The following KCNQ1 variants were observed in gnomAD, a reference collection of about 807,000 sequenced individuals.
KCNQ1 encodes potassium voltage-gated channel subfamily Q member 1.
A neutral mutation model predicts 72.4 loss-of-function variants in KCNQ1; 49 were observed. That is an observed-to-expected ratio of 0.68 (90% confidence interval 0.54 to 0.86). KCNQ1 has a LOEUF of 0.86. Ranked by LOEUF, KCNQ1 falls within the 40% of genes least tolerant of loss-of-function variation. The probability of loss-of-function intolerance (pLI) is 0.00; values close to 1 mark genes in which losing one functional copy is unlikely to be tolerated. For synonymous variants in KCNQ1, 450 were observed against 412.6 expected, an observed-to-expected ratio of 1.09 and a Z score of -1.10; for missense variants, 790 against 945.1, an observed-to-expected ratio of 0.84 and a Z score of 2.15.
chr11:2,742,345 C>T (rs920938574), intron 11 of KCNQ1, among the ~76,000 whole-genome samples: 7 of 152,316 alleles, frequency 4.6e-5, no homozygotes, highest in South Asian at 2.1e-4. Flanking sequence ...AGGCATCAGG[C>T]GGCCTCAGGC....
chr11:2,458,653 A>ATGGC lies in KCNQ1; in HGVS notation c.386+13172_386+13173insCTGG, dbSNP rs1846229928. Among the ~76,000 whole-genome samples, 1 of 80,004 alleles carries ATGGC rather than the reference A, an allele frequency of 1.2e-5. No homozygotes were observed. The allele number at this position is 80,004 out of a possible 152,430, so 52.5% of individuals were successfully genotyped here. On this transcript the variant is annotated intron_variant, in intron 1 of 15. Transcript: ENST00000155840. The surrounding 1 kb of genome is among the most constrained non-coding windows in gnomAD (Gnocchi z 4.6). ...CTTGCCTGGATGGATGGATGGATGG[A>ATGGC]TGGATGGATGGATGGATGGATGGAT...
At chr11:2,529,750 G>A (rs571119721) in intron 2 of KCNQ1, among the ~76,000 whole-genome samples, 44 of 152,276 alleles carry the variant, frequency 2.9e-4, no homozygotes, top group African/African-American at 9.9e-4. Flanking sequence ...TGCCTTCCAG[G>A]AGGGCAGATT....
chr11:2,609,485 G>A, intron 10 of KCNQ1: 1 of 398,326 alleles, frequency 2.5e-6, no homozygotes, highest in East Asian at 3.6e-5. Context: ...TGAAAATACT[G>A]TATATTCAAT....
At chr11:2,675,805 C>A (rs769041136) in intron 11 of KCNQ1, 1 of 398,610 alleles carries the variant, frequency 2.5e-6, no homozygotes, top group Non-Finnish European at 4.4e-6. Context: ...ATACCAGCCA[C>A]GTGCATGCAG....
rs1847859062 is a variant in KCNQ1 at position 2,543,611 on chromosome 11, A to G, written c.477+15593A>G. On this transcript the variant is annotated intron_variant, in intron 2 of 15. Coordinates refer to ENST00000155840, the MANE Select transcript of KCNQ1 (RefSeq NM_000218.3). This position sits in a 1 kb window ranked among gnomAD's most constrained non-coding sequence, Gnocchi z 5.6. ...TTAAAGACCAAACATTTTCAATTTT[A>G]TGAAGTCAAATATAGCTTTTTCCTT... Among the ~76,000 whole-genome samples, 1 of 152,226 alleles carries G rather than the reference A, an allele frequency of 6.6e-6. No individual in the cohort carries two copies. The highest frequency in any genetic ancestry group is 2.4e-5 in the African/African-American group (1 of 41,448).
chr11:2,527,058 C>T (rs1266326157), intron 1 of KCNQ1, among the ~76,000 whole-genome samples: 1 of 152,176 alleles, frequency 6.6e-6, no homozygotes, highest in Non-Finnish European at 1.5e-5. Context: ...GGTACGTTTG[C>T]AGTGGCAGCA....
intron 10 of KCNQ1, chr11:2,614,755 G>C (rs770845921): frequency 2.0e-5 from 8 of 398,238 alleles, no homozygotes; most frequent in Non-Finnish European, 3.5e-5. Context: ...GTGTCCTAGA[G>C]ACCACATTGT....
intron 6 of KCNQ1, among the ~76,000 whole-genome samples, chr11:2,574,126 G>T (rs943069834): frequency 6.6e-6 from 1 of 152,198 alleles, no homozygotes; most frequent in African/African-American, 2.4e-5. Context: ...CTGGAGGCCA[G>T]AGTGCAGGGA....
In KCNQ1 at chr11:2,674,149, G is replaced by A; in HGVS notation, c.1514+12068G>A. 2.5e-6 allele frequency: 1 copy of A among 398,758 alleles called. No homozygotes were observed. The highest frequency in any genetic ancestry group is 4.4e-6 in the Non-Finnish European group (1 of 226,192). The allele number at this position is 398,758 out of a possible 1,614,324, so 24.7% of individuals were successfully genotyped here. The stretch of plus-strand genomic sequence containing the variant: ...CCGGGGCCACCCAGTGTGGGCTCAG[G>A]AAGGGAAGGAATGTGACCAAGGCTG... On this transcript the variant is annotated intron_variant, in intron 11 of 15. Transcript: ENST00000155840. The surrounding 1 kb of genome is among the most constrained non-coding windows in gnomAD (Gnocchi z 5.9).
At position 2,495,303 on chromosome 11, in the gene KCNQ1, T is replaced by G. The variant is rs891573332; in HGVS notation, c.387-32625T>G. On this transcript the variant is annotated intron_variant, in intron 1 of 15. Coordinates refer to ENST00000155840, the MANE Select transcript of KCNQ1 (RefSeq NM_000218.3). The surrounding 1 kb of genome is among the most constrained non-coding windows in gnomAD (Gnocchi z 4.6). Reference sequence around the variant, plus strand: ...AAAACCAGCTCCTGGATTCATTGATTTTTTTGGAAGGGTTTTTCATGTCTC... The same window carrying G: ...AAAACCAGCTCCTGGATTCATTGATGTTTTTGGAAGGGTTTTTCATGTCTC... 7.2e-5 allele frequency among the ~76,000 whole-genome samples: 11 copies of G among 152,262 alleles called. No homozygotes were observed. In the South Asian group the frequency reaches 2.3e-3, roughly 32 times the overall value.
intron 11 of KCNQ1, among the ~76,000 whole-genome samples, chr11:2,700,383 G>C (rs950163045): frequency 6.6e-6 from 1 of 152,136 alleles, no homozygotes; most frequent in African/African-American, 2.4e-5. Context: ...ACCACCCCGG[G>C]GTGACCGCGT....
chr11:2,586,091 G>A lies in KCNQ1; in HGVS notation c.1128+784G>A, dbSNP rs565039487. Among the ~76,000 whole-genome samples the A allele has an allele frequency of 5.4e-4, 83 of 152,342 alleles. 1 individual carries two copies. Among genetic ancestry groups the A allele is most frequent in the Non-Finnish European group, 1.0e-3 (68 of 68,016 alleles). On this transcript the variant is annotated intron_variant, in intron 8 of 15. Coordinates refer to ENST00000155840, the MANE Select transcript of KCNQ1 (RefSeq NM_000218.3). The stretch of plus-strand genomic sequence containing the variant: ...CCGCTGAGGTGCCCAGAGGGTGGGC[G>A]TTGCCGGGTTGAATGACAAGTGCCC...
Position 2,724,463 on chromosome 11 carries a change from A to G in KCNQ1, c.1515-44381A>G, listed in dbSNP as rs769919317. Among the ~76,000 whole-genome samples the G allele has an allele frequency of 2.0e-5, 3 of 152,096 alleles. No individual in the cohort carries two copies. Among genetic ancestry groups the G allele is most frequent in the Non-Finnish European group, 2.9e-5 (2 of 67,980 alleles). On this transcript the variant is annotated intron_variant, in intron 11 of 15. Transcript: ENST00000155840. The surrounding 1 kb of genome is among the most constrained non-coding windows in gnomAD (Gnocchi z 6.8). ...AGCTAACACTGCCCTTGGAGGAAGGAGGGTGGGAGGGCAAAGAGAGAGAAG... is the reference window on the plus strand; with the variant it reads ...AGCTAACACTGCCCTTGGAGGAAGGGGGGTGGGAGGGCAAAGAGAGAGAAG...
intron 7 of KCNQ1, among the ~76,000 whole-genome samples, chr11:2,584,540 T>A (rs200211244): frequency 8.5e-6 from 1 of 118,144 alleles, no homozygotes; most frequent in Non-Finnish European, 1.7e-5. Flanking sequence ...TGTGTTAGTA[T>A]GTGTTTGTGT....
In KCNQ1 at chr11:2,651,275, G is replaced by T. The variant is rs778100237; in HGVS notation, c.1394-10686G>T. 1.3e-5 allele frequency: 5 copies of T among 398,634 alleles called. No individual in the cohort carries two copies. The highest frequency in any genetic ancestry group is 1.8e-5 in the Non-Finnish European group (4 of 226,076). The allele number at this position is 398,634 out of a possible 1,614,324, so 24.7% of individuals were successfully genotyped here. On this transcript the variant is annotated intron_variant, in intron 10 of 15. Transcript: ENST00000155840. This position sits in a 1 kb window ranked among gnomAD's most constrained non-coding sequence, Gnocchi z 6.1. Reference sequence around the variant, plus strand: ...TTAAGCTGTGCTGGTCACTTATTGAGAAAGAGCTTCATGGTGGGCAGCTGG... The same window carrying T: ...TTAAGCTGTGCTGGTCACTTATTGATAAAGAGCTTCATGGTGGGCAGCTGG...
In KCNQ1 at chr11:2,564,367, G is replaced by A. The variant is rs142110502; in HGVS notation, c.478-6261G>A. ...CCAGCACTTTGGAAGGCTGAGGCGGGCGGATCACCTGAGGTCAGGAGTTTG... is the reference window on the plus strand; with the variant it reads ...CCAGCACTTTGGAAGGCTGAGGCGGACGGATCACCTGAGGTCAGGAGTTTG... On this transcript the variant is annotated intron_variant, in intron 2 of 15. Coordinates refer to ENST00000155840, the MANE Select transcript of KCNQ1 (RefSeq NM_000218.3). The surrounding 1 kb of genome is among the most constrained non-coding windows in gnomAD (Gnocchi z 4.5). 7.0e-4 allele frequency among the ~76,000 whole-genome samples: 107 copies of A among 152,326 alleles called. 2 individuals are homozygous for A. In the East Asian group the frequency reaches 0.019, roughly 27 times the overall value.
Position 2,826,635 on chromosome 11 carries a change from A to C in KCNQ1, c.1795-21132A>C, listed in dbSNP as rs1198172634. Among the ~76,000 whole-genome samples the C allele has an allele frequency of 2.0e-5, 3 of 152,220 alleles. No individual in the cohort carries two copies. Among genetic ancestry groups the C allele is most frequent in the Non-Finnish European group, 4.4e-5 (3 of 68,034 alleles). ...TGTGGCACAAGAGGGCTGGCCCAGC[A>C]CACCCAGCCCACCACTGTGCTCCCA... On this transcript the variant is annotated intron_variant, in intron 15 of 15. Transcript: ENST00000155840. This position sits in a 1 kb window ranked among gnomAD's most constrained non-coding sequence, Gnocchi z 4.2.
chr11:2,749,440 G>A (rs1019129651), intron 11 of KCNQ1, among the ~76,000 whole-genome samples: 2 of 152,106 alleles, frequency 1.3e-5, no homozygotes, highest in Non-Finnish European at 2.9e-5. Flanking sequence ...CCCTGGGCAC[G>A]CTGCTGAGCC....
rs1848265440 is a variant in KCNQ1, at chr11:2,567,598, A to G, written c.478-3030A>G. 6.6e-6 allele frequency among the ~76,000 whole-genome samples: 1 copy of G among 152,212 alleles called. No individual in the cohort carries two copies. Among genetic ancestry groups the G allele is most frequent in the African/African-American group, 2.4e-5 (1 of 41,450 alleles). On this transcript the variant is annotated intron_variant, in intron 2 of 15. Transcript: ENST00000155840. The surrounding 1 kb of genome is among the most constrained non-coding windows in gnomAD (Gnocchi z 6.6). ...CATTCCATCTTGCTGTTTCCAGCCT[A>G]GAGATGGTGAGGGGACTTTTCCTTG...
Sources: gnomAD v4.1 joint callset for allele counts (sites outside exome capture counted in the v4.1 genomes callset) on GRCh38, gnomAD v4.1.1 for gene constraint, Gnocchi (gnomAD v3.1) non-coding constraint, MANE v1.5 for transcripts, NCBI Gene and HGNC (gene_info 2026-07-23, HGNC 2026-07-21) for gene names.